ERG: variants seen among roughly 807,000 people sequenced by gnomAD.
ERG encodes transcriptional regulator ERG.
ERG carries 9 observed loss-of-function variants against 55.3 expected under a neutral mutation model. That is an observed-to-expected ratio of 0.16 (90% CI 0.10 to 0.28). The LOEUF is 0.28. Among genes scored for constraint, ERG ranks in the 10% least tolerant of loss-of-function variants. The probability of loss-of-function intolerance (pLI) is 1.00; values close to 1 mark genes in which losing one functional copy is unlikely to be tolerated. For synonymous variants in ERG, 223 were observed against 237.3 expected, an observed-to-expected ratio of 0.94 and a Z score of 0.55; for missense variants, 434 against 631.6, an observed-to-expected ratio of 0.69 and a Z score of 3.35.
intron 2 of ERG, among the ~76,000 whole-genome samples, chr21:38,539,956 G>A (rs950095639): frequency 6.7e-6 from 1 of 148,846 alleles, no homozygotes; most frequent in African/African-American, 2.5e-5. Flanking sequence ...GAGTACAGTG[G>A]CACGATCTTG....
chr21:38,618,555 G>C (rs1264856786), intron 1 of ERG, among the ~76,000 whole-genome samples: 1 of 152,032 alleles, frequency 6.6e-6, no homozygotes, highest in African/African-American at 2.4e-5. Flanking sequence ...CGGGGAGGTT[G>C]GGGGGGAACA....
intron 2 of ERG, among the ~76,000 whole-genome samples, chr21:38,572,046 T>A (rs2059961093): frequency 6.6e-6 from 1 of 152,156 alleles, no homozygotes; most frequent in Non-Finnish European, 1.5e-5. Flanking sequence ...AAGGAACCAT[T>A]CATGTGCCAT....
chr21:38,461,674 C>A (rs1182736971), intron 1 of ERG, among the ~76,000 whole-genome samples: 1 of 152,186 alleles, frequency 6.6e-6, no homozygotes, highest in Non-Finnish European at 1.5e-5. Flanking sequence ...CAGCTGCCTC[C>A]AATTAGCCCA....
chr21:38,544,099 C>G (rs958974805), intron 2 of ERG, among the ~76,000 whole-genome samples: 1 of 152,030 alleles, frequency 6.6e-6, no homozygotes, highest in African/African-American at 2.4e-5. Context: ...TGATGAAGAC[C>G]CAAAGAAAGT....
At chr21:38,580,071 C>A (rs1164394933) in intron 1 of ERG, among the ~76,000 whole-genome samples, 1 of 152,068 alleles carries the variant, frequency 6.6e-6, no homozygotes, top group Admixed American at 6.6e-5. Context: ...CCACCCGCCT[C>A]GGCCTCCCAA....
intron 6 of ERG, among the ~76,000 whole-genome samples, chr21:38,395,003 T>C (rs1006626016): frequency 6.6e-6 from 1 of 152,224 alleles, no homozygotes; most frequent in Non-Finnish European, 1.5e-5. Flanking sequence ...AAATCCTTCA[T>C]ATGGTGTATA....
chr21:38,490,750 C>A (rs1376529319), intron 1 of ERG, among the ~76,000 whole-genome samples: 2 of 152,192 alleles, frequency 1.3e-5, no homozygotes, highest in Non-Finnish European at 2.9e-5. Context: ...CTGGGGAAGT[C>A]CTGCAGCATC....
chr21:38,618,969 T>C (rs751492436), intron 1 of ERG, among the ~76,000 whole-genome samples: 1 of 152,186 alleles, frequency 6.6e-6, no homozygotes, highest in Non-Finnish European at 1.5e-5. Context: ...AGTCCCTGGA[T>C]AAGGACCTGA....
At chr21:38,610,412 C>A (rs1305252036) in intron 1 of ERG, among the ~76,000 whole-genome samples, 1 of 152,224 alleles carries the variant, frequency 6.6e-6, no homozygotes, top group Non-Finnish European at 1.5e-5. Context: ...AAGTAAAGAG[C>A]CCAGACTCAG....
chr21:38,609,972 A>G (rs1174465191), intron 1 of ERG, among the ~76,000 whole-genome samples: 1 of 152,248 alleles, frequency 6.6e-6, no homozygotes, highest in Admixed American at 6.5e-5. Context: ...AATAGAATTA[A>G]AGGAGAAAAG....
At chr21:38,525,419 C>T (rs187049433) in intron 2 of ERG, among the ~76,000 whole-genome samples, 4 of 152,310 alleles carry the variant, frequency 2.6e-5, no homozygotes, top group South Asian at 2.1e-4. Flanking sequence ...CTTCTGGATT[C>T]GGACCTGTAC....
rs200983941 is a variant in ERG at position 38,623,058 on chromosome 21, T to C, written c.-149-38113A>G. Among the ~76,000 whole-genome samples the C allele has an allele frequency of 1.3e-3, 118 of 88,902 alleles. 1 individual carries two copies. Among genetic ancestry groups the C allele is most frequent in the Non-Finnish European group, 5.2e-4 (22 of 42,030 alleles). The allele number at this position is 88,902 out of a possible 152,430, so 58.3% of individuals were successfully genotyped here. A position where few individuals can be genotyped will look rare whatever the true frequency, so the allele number is the denominator to read the frequency against. ...ATACACACAAGACCACACACACACATCATACATAAACCCCACATACACACC... is the reference window on the plus strand; with the variant it reads ...ATACACACAAGACCACACACACACACCATACATAAACCCCACATACACACC... On this transcript the variant is annotated intron_variant, in intron 1 of 10. Transcript: ENST00000398910.
intron 3 of ERG, among the ~76,000 whole-genome samples, chr21:38,414,155 T>C (rs1018791777): frequency 1.3e-5 from 2 of 152,196 alleles, no homozygotes; most frequent in Non-Finnish European, 2.9e-5. Flanking sequence ...CAATTGAATG[T>C]TCCATTGCTT....
intron 1 of ERG, among the ~76,000 whole-genome samples, chr21:38,606,704 C>T (rs80313445): frequency 0.01 from 1,565 of 152,048 alleles, 33 homozygotes; most frequent in African/African-American, 0.035. Context: ...TAACTGAAGA[C>T]AAATTCCAGA....
At chr21:38,661,231 G>T (rs1349156248) in intron 1 of ERG, among the ~76,000 whole-genome samples, 1 of 152,162 alleles carries the variant, frequency 6.6e-6, no homozygotes, top group African/African-American at 2.4e-5. Context: ...ACTCGGGGTC[G>T]CTTTTAGCGA....
intron 1 of ERG, among the ~76,000 whole-genome samples, chr21:38,606,310 G>T (rs1169669201): frequency 6.6e-6 from 1 of 152,162 alleles, no homozygotes; most frequent in Non-Finnish European, 1.5e-5. Context: ...TTGATAGAAA[G>T]ATGATAGACA....
chr21:38,584,227 C>T (rs770472285), intron 1 of ERG, among the ~76,000 whole-genome samples: 1 of 152,176 alleles, frequency 6.6e-6, no homozygotes, highest in Non-Finnish European at 1.5e-5. Flanking sequence ...AACCTTGATC[C>T]CTGCGGTGCT....
intron 1 of ERG, among the ~76,000 whole-genome samples, chr21:38,466,365 T>C (rs189443296): frequency 9.9e-4 from 150 of 150,796 alleles, no homozygotes; most frequent in African/African-American, 3.4e-3. Flanking sequence ...ATGATGTATA[T>C]ATGATTTATA....
intron 1 of ERG, among the ~76,000 whole-genome samples, chr21:38,496,123 G>A (rs1460848162): frequency 6.6e-6 from 1 of 152,152 alleles, no homozygotes; most frequent in Non-Finnish European, 1.5e-5. Flanking sequence ...GGAAAATGAT[G>A]GTAAGAATCA....
Sources: gnomAD v4.1 joint callset for allele counts (sites outside exome capture counted in the v4.1 genomes callset) on GRCh38, gnomAD v4.1.1 for gene constraint, MANE v1.5 for transcripts, NCBI Gene and HGNC (gene_info 2026-07-23, HGNC 2026-07-21) for gene names.